Variants in PPFIA2 observed in about 807,000 individuals in gnomAD.
PPFIA2 encodes the protein PPFI scaffold protein A2, also known as liprin-alpha-2.
In PPFIA2, 46 loss-of-function variants were observed where a neutral mutation model predicts 175.5. The observed-to-expected ratio is 0.26, with a 90% confidence interval of 0.21 to 0.34. The LOEUF is 0.34. PPFIA2 is among the 10% of genes least tolerant of loss of function. The pLI, the probability that PPFIA2 is intolerant of heterozygous loss-of-function variation, is 1.00. For missense variants in PPFIA2, 1,179 were observed against 1,506.1 expected (o/e 0.78, Z 3.60); for synonymous variants, 568 against 511.4 (o/e 1.11, Z -1.49).
chr12:81,559,168 T>A (rs1312108619), intron 4 of PPFIA2, among the ~76,000 whole-genome samples: 1 of 152,202 alleles, frequency 6.6e-6, no homozygotes, highest in East Asian at 1.9e-4. Flanking sequence ...TTCAAGGTAC[T>A]CTAACTGATA....
intron 22 of PPFIA2, among the ~76,000 whole-genome samples, chr12:81,319,891 ATCTACCC>A (rs2053278241): frequency 1.3e-5 from 2 of 151,878 alleles, no homozygotes; most frequent in Non-Finnish European, 2.9e-5. Context: ...TTTTTGCTTT[ATCTACCC>A]AGAGACAGTT....
At chr12:81,668,738 TAC>T (rs1021826488) in intron 4 of PPFIA2, among the ~76,000 whole-genome samples, 23 of 151,986 alleles carry the variant, frequency 1.5e-4, no homozygotes, top group African/African-American at 5.6e-4. Flanking sequence ...CTGCCATTAT[TAC>T]AAGTCTGTGG....
chr12:81,306,903 G>A (rs1241657900), intron 22 of PPFIA2, among the ~76,000 whole-genome samples: 1 of 151,956 alleles, frequency 6.6e-6, no homozygotes, highest in Non-Finnish European at 1.5e-5. Flanking sequence ...TTCCTCAAAT[G>A]TCTAAAAGAT....
chr12:81,404,635 T>C (rs933906501), intron 8 of PPFIA2, among the ~76,000 whole-genome samples: 3 of 152,194 alleles, frequency 2.0e-5, no homozygotes, highest in Admixed American at 2.0e-4. Context: ...ATAAAATACA[T>C]GGATAAAGGC....
intron 3 of PPFIA2, among the ~76,000 whole-genome samples, chr12:81,681,776 T>C (rs553780813): frequency 6.6e-6 from 1 of 152,094 alleles, no homozygotes; most frequent in South Asian, 2.1e-4. Flanking sequence ...GATTCTTATT[T>C]TTATCCCTGA....
At chr12:81,572,427 A>G (rs1325829529) in intron 4 of PPFIA2, among the ~76,000 whole-genome samples, 1 of 152,062 alleles carries the variant, frequency 6.6e-6, no homozygotes, top group Non-Finnish European at 1.5e-5. Context: ...TTTTCATTTT[A>G]CATGTAAAGA....
intron 4 of PPFIA2, chr12:81,512,467 C>T (rs2061919874): frequency 1.7e-6 from 1 of 599,168 alleles, no homozygotes; most frequent in African/African-American, 2.0e-5. Flanking sequence ...TTAAAGTTAA[C>T]TCATTAGTTT....
chr12:81,680,706 G>T (rs1194646905), intron 3 of PPFIA2, among the ~76,000 whole-genome samples: 1 of 151,912 alleles, frequency 6.6e-6, no homozygotes, highest in African/African-American at 2.4e-5. Context: ...TCCATCTTCA[G>T]GATATCAAAC....
intron 4 of PPFIA2, among the ~76,000 whole-genome samples, chr12:81,591,478 G>A (rs368392688): frequency 1.3e-5 from 2 of 152,160 alleles, no homozygotes; most frequent in African/African-American, 4.8e-5. Context: ...TGTCTCCAGG[G>A]CATGTCAGAG....
chr12:81,434,504 G>A (rs2048643826), intron 7 of PPFIA2, among the ~76,000 whole-genome samples: 1 of 152,098 alleles, frequency 6.6e-6, no homozygotes, highest in South Asian at 2.1e-4. Flanking sequence ...AAAAAGATGA[G>A]AGTAAACAGA....
At chr12:81,509,408 C>A (rs1285284148) in intron 4 of PPFIA2, among the ~76,000 whole-genome samples, 1 of 152,094 alleles carries the variant, frequency 6.6e-6, no homozygotes, top group East Asian at 1.9e-4. Flanking sequence ...AAAGTTGAGA[C>A]CAGGGTGAAA....
chr12:81,637,701 T>C (rs1387674150), intron 4 of PPFIA2, among the ~76,000 whole-genome samples: 2 of 152,132 alleles, frequency 1.3e-5, no homozygotes, highest in African/African-American at 4.8e-5. Context: ...CCATGAAAGA[T>C]GATTAGCCAT....
intron 4 of PPFIA2, among the ~76,000 whole-genome samples, chr12:81,473,572 GA>G (rs2057068310): frequency 2.0e-5 from 3 of 152,158 alleles, no homozygotes; most frequent in Non-Finnish European, 4.4e-5. Context: ...AAATTATCAT[GA>G]CATTTTTCCT....
Position 81,712,043 on chromosome 12 carries a change from G to A in PPFIA2, c.250-35199C>T, listed in dbSNP as rs536227013. ...TATTTTACAAAAGTCATTCTCATACGTTTTATACTTACAGATATATTATAT... is the reference window on the plus strand; with the variant it reads ...TATTTTACAAAAGTCATTCTCATACATTTTATACTTACAGATATATTATAT... On this transcript the variant is annotated intron_variant, in intron 3 of 32. Coordinates refer to ENST00000549396, the MANE Select transcript of PPFIA2 (RefSeq NM_003625.5). Among the ~76,000 whole-genome samples the A allele has an allele frequency of 1.1e-4, 16 of 151,028 alleles. No homozygotes were observed. The South Asian group carries it at 2.7e-3, about 26-fold the overall frequency.
chr12:81,409,247 C>T (rs894702935), intron 7 of PPFIA2, among the ~76,000 whole-genome samples: 3 of 152,058 alleles, frequency 2.0e-5, no homozygotes, highest in African/African-American at 7.2e-5. Flanking sequence ...AAGCAAATTG[C>T]CTACAAGAAA....
chr12:81,464,768 T>C (rs1380422395), intron 4 of PPFIA2, among the ~76,000 whole-genome samples: 1 of 151,992 alleles, frequency 6.6e-6, no homozygotes, highest in Non-Finnish European at 1.5e-5. Flanking sequence ...CCACCTGGTA[T>C]ATCACCATAG....
At chr12:81,329,416 G>A (rs542636807) in intron 21 of PPFIA2, among the ~76,000 whole-genome samples, 2 of 152,174 alleles carry the variant, frequency 1.3e-5, no homozygotes, top group East Asian at 1.9e-4. Context: ...TGAGGCCTTC[G>A]AGGACTTGGA....
intron 21 of PPFIA2, among the ~76,000 whole-genome samples, chr12:81,335,096 A>T (rs1161035347): frequency 6.6e-6 from 1 of 152,198 alleles, no homozygotes; most frequent in Non-Finnish European, 1.5e-5. Context: ...TGATTGACAG[A>T]TGAGGAAAGA....
chr12:81,439,341 ATAGATAGATACATG>A (rs1461884410), intron 7 of PPFIA2, among the ~76,000 whole-genome samples: 1 of 151,436 alleles, frequency 6.6e-6, no homozygotes, highest in Non-Finnish European at 1.5e-5. Flanking sequence ...AGAGATAAAT[ATAGATAGATACATG>A]TATATATAAA....
Sources: allele counts gnomAD v4.1 joint callset (sites outside exome capture counted in the v4.1 genomes callset), GRCh38; gene constraint gnomAD v4.1.1; transcripts MANE v1.5; gene names NCBI Gene and HGNC (gene_info 2026-07-23, HGNC 2026-07-21).